FNDC1: variants seen among roughly 807,000 people sequenced by gnomAD.
The protein encoded by FNDC1 is fibronectin type III domain containing 1.
In FNDC1, 96 loss-of-function variants were observed where a neutral mutation model predicts 168.0. That is an observed-to-expected ratio of 0.57 (90% confidence interval 0.48 to 0.68). FNDC1 has a LOEUF of 0.68. FNDC1 is among the 30% of genes least tolerant of loss of function. The probability of loss-of-function intolerance (pLI) is 0.00; values close to 1 mark genes in which losing one functional copy is unlikely to be tolerated. For missense variants in FNDC1, 2,587 were observed against 2,482.1 expected, an observed-to-expected ratio of 1.04 and a Z score of -0.90; for synonymous variants, 1,099 against 1,025.9, an observed-to-expected ratio of 1.07 and a Z score of -1.36.
chr6:159,251,814 C>T (rs919944855), intron 17 of FNDC1, among the ~76,000 whole-genome samples: 12 of 152,224 alleles, frequency 7.9e-5, no homozygotes, highest in Admixed American at 7.2e-4. Flanking sequence ...CTTCATCTTT[C>T]TGGGCCTTGA....
rs924640784 is a variant in FNDC1 at position 159,255,963 on chromosome 6, G to A, written c.5066-560G>A. 3.5e-4 allele frequency among the ~76,000 whole-genome samples: 54 copies of A among 152,186 alleles called. 1 individual carries two copies. The highest frequency in any genetic ancestry group is 1.3e-3 in the African/African-American group (54 of 41,446). On this transcript the variant is annotated intron_variant, in intron 17 of 22. Coordinates refer to ENST00000297267, the MANE Select transcript of FNDC1 (RefSeq NM_032532.3). ...AGCAGGTTGGACAATAGAAAGAAGA[G>A]CTGCCTCACTGCTGTGATTAGACAG...
rs149719756 is a variant in FNDC1 at position 159,223,714 on chromosome 6, A to G, written c.884+69A>G. 1.9e-4 allele frequency: 170 copies of G among 872,090 alleles called. 1 individual carries two copies. Among genetic ancestry groups the G allele is most frequent in the African/African-American group, 9.5e-4 (56 of 58,808 alleles). 54.0% of individuals were successfully genotyped at this position (872,090 alleles called of 1,614,324 possible). ...TTTTTCTGGCCCTGAAAAGACATGT[A>G]TTTAATGATTTTATTTTCTGACTTA... On this transcript the variant is annotated intron_variant, in intron 7 of 22. Transcript: ENST00000297267.
At chr6:159,179,610 T>C (rs1401522605) in intron 1 of FNDC1, among the ~76,000 whole-genome samples, 1 of 152,176 alleles carries the variant, frequency 6.6e-6, no homozygotes, top group African/African-American at 2.4e-5. Flanking sequence ...ATCACTGCCT[T>C]ATTTTGCTCC....
intron 9 of FNDC1, among the ~76,000 whole-genome samples, chr6:159,227,945 A>G (rs1377600496): frequency 6.6e-6 from 1 of 152,218 alleles, no homozygotes; most frequent in Non-Finnish European, 1.5e-5. Flanking sequence ...CTTGCTTTAA[A>G]TCATTCTTTT....
At chr6:159,200,476 T>C in intron 3 of FNDC1, 37 bp from the exon 4 acceptor site, 1 of 1,522,924 alleles carries the variant, frequency 6.6e-7, no homozygotes, top group Admixed American at 1.9e-5. Context: ...CCAACAGTCC[T>C]CGTTTCTAAC....
chr6:159,207,843 C>T (rs779736795), intron 4 of FNDC1, among the ~76,000 whole-genome samples: 27 of 152,170 alleles, frequency 1.8e-4, no homozygotes, highest in Admixed American at 3.9e-4. Context: ...AAACAAACAA[C>T]CCCGACAAAT....
At chr6:159,253,335 C>T (rs1777309985) in intron 17 of FNDC1, among the ~76,000 whole-genome samples, 1 of 152,228 alleles carries the variant, frequency 6.6e-6, no homozygotes, top group South Asian at 2.1e-4. Context: ...AGCTCGTCAT[C>T]CATTAGTGAA....
At chr6:159,257,439 T>C (rs1777398743) in intron 18 of FNDC1, among the ~76,000 whole-genome samples, 3 of 152,238 alleles carry the variant, frequency 2.0e-5, no homozygotes, top group South Asian at 2.1e-4. Flanking sequence ...GAATACTTAA[T>C]GACTGGCTCT....
chr6:159,266,575 C>A (rs1165239994), intron 21 of FNDC1, among the ~76,000 whole-genome samples: 1 of 151,916 alleles, frequency 6.6e-6, no homozygotes, highest in Admixed American at 6.6e-5. Context: ...TGAAACCCAT[C>A]TCTACTAAAA....
At chr6:159,174,362 C>T (rs1208763631) in intron 1 of FNDC1, among the ~76,000 whole-genome samples, 2 of 152,252 alleles carry the variant, frequency 1.3e-5, no homozygotes, top group Non-Finnish European at 2.9e-5. Flanking sequence ...TTTCCTCCCT[C>T]CTAAAAGTTA....
intron 22 of FNDC1, among the ~76,000 whole-genome samples, chr6:159,270,740 T>C (rs1424692347): frequency 6.6e-6 from 1 of 152,228 alleles, no homozygotes; most frequent in Non-Finnish European, 1.5e-5. Flanking sequence ...TCTAAAAATC[T>C]ACCCCAGAGT....
chr6:159,238,732 T>A, intron 13 of FNDC1, 67 bp downstream of exon 13: 1 of 1,030,514 alleles, frequency 9.7e-7, no homozygotes, highest in Non-Finnish European at 1.4e-6. Context: ...AGCTTCTATC[T>A]TCCTTCTCCC....
chr6:159,203,585 G>A (rs146320792), intron 4 of FNDC1, among the ~76,000 whole-genome samples: 36 of 152,260 alleles, frequency 2.4e-4, no homozygotes, highest in African/African-American at 6.5e-4. Flanking sequence ...TCTCCGAGCC[G>A]GAAAGCTTTC....
intron 22 of FNDC1, among the ~76,000 whole-genome samples, chr6:159,268,495 A>T (rs1422989168): frequency 6.6e-6 from 1 of 152,240 alleles, no homozygotes; most frequent in African/African-American, 2.4e-5. Context: ...TACAGAAAAG[A>T]GTAAAATAAG....
At chr6:159,175,379 C>A (rs1272680753) in intron 1 of FNDC1, among the ~76,000 whole-genome samples, 2 of 152,124 alleles carry the variant, frequency 1.3e-5, no homozygotes, top group African/African-American at 2.4e-5. Flanking sequence ...AATACTCAGT[C>A]TTTGCGGTCC....
chr6:159,251,272 A>T, intron 16 of FNDC1, 30 bp from the exon 17 acceptor site: 1 of 1,518,320 alleles, frequency 6.6e-7, no homozygotes, highest in Non-Finnish European at 9.1e-7. Context: ...GCCTCCAGCA[A>T]TCCAATTGGT....
intron 6 of FNDC1, among the ~76,000 whole-genome samples, chr6:159,223,048 T>C (rs9456380): frequency 0.4 from 57,649 of 144,984 alleles, 14,240 homozygotes; most frequent in East Asian, 0.74. Context: ...CAGGCTGGAG[T>C]GCAGTGGCAT....
chr6:159,256,582 G>C lies in FNDC1; in HGVS notation c.5125G>C (p.Ala1709Pro). The change falls in exon 18 of 23, where the codon GCT becomes CCT. Residue 1709 changes from alanine (A) to proline (P), a missense_variant. Coordinates refer to ENST00000297267, the MANE Select transcript of FNDC1 (RefSeq NM_032532.3). ...DFIRNKWSTQ[A>P]SSVTHLPIEN... ...CATCAGGAACAAGTGGTCCACTCAA[G>C]CTTCATCAGTAACTCACTTGCCCAT... 6.2e-7 allele frequency: 1 copy of C among 1,613,978 alleles called. No individual in the cohort carries two copies. The highest frequency in any genetic ancestry group is 1.3e-5 in the African/African-American group (1 of 75,030).
chr6:159,251,888 G>C (rs999708370), intron 17 of FNDC1, among the ~76,000 whole-genome samples: 1 of 152,260 alleles, frequency 6.6e-6, no homozygotes, highest in African/African-American at 2.4e-5. Flanking sequence ...TGGCCAGGGG[G>C]TCCAGCTAGC....
Sources: allele counts gnomAD v4.1 joint callset (sites outside exome capture counted in the v4.1 genomes callset), GRCh38; gene constraint gnomAD v4.1.1; transcripts MANE v1.5; gene names NCBI Gene and HGNC (gene_info 2026-07-23, HGNC 2026-07-21).